The following MAGI1 variants were observed in gnomAD, a reference collection of about 807,000 sequenced individuals.
MAGI1 encodes the protein membrane-associated guanylate kinase, WW and PDZ domain-containing protein 1.
MAGI1 carries 58 observed loss-of-function variants against 139.9 expected under a neutral mutation model. That is an observed-to-expected ratio of 0.41 (90% confidence interval 0.34 to 0.52). The LOEUF (loss-of-function observed/expected upper bound fraction) is 0.52. Ranked by LOEUF, MAGI1 falls within the 20% of genes least tolerant of loss-of-function variation. The pLI is 0.12. For synonymous variants in MAGI1, 812 were observed against 737.9 expected, an observed-to-expected ratio of 1.10 and a Z score of -1.63; for missense variants, 1,874 against 1,901.6, an observed-to-expected ratio of 0.99 and a Z score of 0.27.
At chr3:65,689,950 T>C (rs530539932) in intron 1 of MAGI1, among the ~76,000 whole-genome samples, 1 of 152,270 alleles carries the variant, frequency 6.6e-6, no homozygotes, top group South Asian at 2.1e-4. Context: ...ACCACCTCTA[T>C]TTTCTTCTGG....
At chr3:65,609,912 C>T (rs981553499) in intron 2 of MAGI1, 5 of 26,436 alleles carry the variant, frequency 1.9e-4, no homozygotes, top group Middle Eastern at 7.6e-4. Flanking sequence ...TGTTAGAACC[C>T]GCATATGACT....
chr3:66,033,639 G>A (rs1478357363), intron 1 of MAGI1, among the ~76,000 whole-genome samples: 1 of 152,156 alleles, frequency 6.6e-6, no homozygotes, highest in Non-Finnish European at 1.5e-5. Flanking sequence ...TCAACCATAT[G>A]TGATCACAAT....
chr3:66,025,208 G>T (rs61638992), intron 1 of MAGI1, among the ~76,000 whole-genome samples: 2 of 152,202 alleles, frequency 1.3e-5, no homozygotes, highest in African/African-American at 2.4e-5. Flanking sequence ...TGCAGTCACT[G>T]AAATAGTCAA....
chr3:65,557,169 C>G (rs2107997406), intron 2 of MAGI1, among the ~76,000 whole-genome samples: 1 of 152,354 alleles, frequency 6.6e-6, no homozygotes, highest in South Asian at 2.1e-4. Flanking sequence ...CAAAACTGGT[C>G]TGGATGACTA....
intron 2 of MAGI1, among the ~76,000 whole-genome samples, chr3:65,604,325 G>C (rs1254589684): frequency 6.6e-6 from 1 of 152,038 alleles, no homozygotes; most frequent in Non-Finnish European, 1.5e-5. Context: ...GTTGTGCCTG[G>C]ATAATGATGT....
At chr3:65,462,806 CGTA>C (rs1559576222) in intron 5 of MAGI1, among the ~76,000 whole-genome samples, 1 of 151,874 alleles carries the variant, frequency 6.6e-6, no homozygotes, top group Non-Finnish European at 1.5e-5. Flanking sequence ...AGCAGTGGTG[CGTA>C]GTTCTCCTTG....
chr3:65,764,378 C>T (rs900193869), intron 1 of MAGI1, among the ~76,000 whole-genome samples: 1 of 152,180 alleles, frequency 6.6e-6, no homozygotes, highest in East Asian at 1.9e-4. Flanking sequence ...CCCTCTCCCC[C>T]ACTATTCAAA....
At chr3:65,960,190 T>C (rs201490669) in intron 1 of MAGI1, among the ~76,000 whole-genome samples, 2 of 152,164 alleles carry the variant, frequency 1.3e-5, no homozygotes, top group East Asian at 3.9e-4. Flanking sequence ...CTCTGTATGT[T>C]TCCGGAGTGA....
rs115534122 is a variant in MAGI1 at position 65,857,974 on chromosome 3, G to T, written c.313+180022C>A. On this transcript the variant is annotated intron_variant, in intron 1 of 22. Coordinates refer to ENST00000402939, the MANE Select transcript of MAGI1 (RefSeq NM_001033057.2). ...ATAGTATTCATTCTAGCCTGGTATG[G>T]TGCTTGTGCCTATAGTCCCAGCTAT... Among the ~76,000 whole-genome samples, 1,014 of 152,204 alleles carry T rather than the reference G, an allele frequency of 6.7e-3. 11 individuals are homozygous for T. Among genetic ancestry groups the T allele is most frequent in the South Asian group, 0.013 (62 of 4,818 alleles).
intron 1 of MAGI1, among the ~76,000 whole-genome samples, chr3:65,859,397 G>A (rs1410649706): frequency 6.6e-6 from 1 of 151,352 alleles, no homozygotes; most frequent in Non-Finnish European, 1.5e-5. Flanking sequence ...TTAGCATGGA[G>A]TCACTCATGC....
chr3:65,876,983 T>TC (rs1404785280), intron 1 of MAGI1, among the ~76,000 whole-genome samples: 1 of 152,134 alleles, frequency 6.6e-6, no homozygotes, highest in African/African-American at 2.4e-5. Flanking sequence ...GACCTCATGA[T>TC]CCGCCCGCCT....
intron 1 of MAGI1, among the ~76,000 whole-genome samples, chr3:65,879,610 T>A (rs2060247089): frequency 6.6e-6 from 1 of 152,166 alleles, no homozygotes; most frequent in Non-Finnish European, 1.5e-5. Context: ...AACCTCTCTG[T>A]GCTCAGAATC....
At chr3:65,680,390 G>A (rs898111148) in intron 1 of MAGI1, among the ~76,000 whole-genome samples, 5 of 152,196 alleles carry the variant, frequency 3.3e-5, no homozygotes, top group Admixed American at 6.5e-5. Context: ...GAGCTCTTGT[G>A]AAGGAGAGCT....
chr3:65,862,286 C>G (rs554311654), intron 1 of MAGI1, among the ~76,000 whole-genome samples: 108 of 152,252 alleles, frequency 7.1e-4, no homozygotes, highest in African/African-American at 2.6e-3. Flanking sequence ...GGGGAAAGAG[C>G]AGTACCTATT....
At chr3:65,577,968 G>A (rs564492209) in intron 2 of MAGI1, among the ~76,000 whole-genome samples, 3 of 152,072 alleles carry the variant, frequency 2.0e-5, no homozygotes, top group Non-Finnish European at 4.4e-5. Context: ...TCTCACACAC[G>A]ACTTGTGTAA....
intron 13 of MAGI1, among the ~76,000 whole-genome samples, chr3:65,392,434 T>C (rs1398187937): frequency 1.3e-5 from 2 of 152,160 alleles, no homozygotes; most frequent in African/African-American, 4.8e-5. Context: ...TTTAAAGCAT[T>C]GTATGGGGTA....
intron 12 of MAGI1, among the ~76,000 whole-genome samples, chr3:65,417,063 GA>G (rs970825821): frequency 2.3e-4 from 35 of 152,232 alleles, no homozygotes; most frequent in African/African-American, 8.4e-4. Context: ...TAACGGTTTC[GA>G]AAATGCTCAG....
chr3:65,360,269 A>G, intron 22 of MAGI1: 1 of 985,154 alleles, frequency 1.0e-6, no homozygotes, highest in Non-Finnish European at 1.2e-6. Flanking sequence ...GTATCTGGGG[A>G]CCATTCAATC....
chr3:65,623,177 C>G (rs997816226), intron 1 of MAGI1, among the ~76,000 whole-genome samples: 2 of 152,132 alleles, frequency 1.3e-5, no homozygotes, highest in Admixed American at 6.5e-5. Flanking sequence ...ATCACACAGA[C>G]AGAGAGAGAG....
Sources: gnomAD v4.1 joint callset for allele counts (sites outside exome capture counted in the v4.1 genomes callset) on GRCh38, gnomAD v4.1.1 for gene constraint, MANE v1.5 for transcripts, NCBI Gene and HGNC (gene_info 2026-07-23, HGNC 2026-07-21) for gene names.